The following TBL1X variants were observed in gnomAD, a reference collection of about 807,000 sequenced individuals.
TBL1X encodes the protein F-box-like/WD repeat-containing protein TBL1X.
In TBL1X, 10 loss-of-function variants were observed where a neutral mutation model predicts 50.7. The observed-to-expected ratio is 0.20, with a 90% confidence interval of 0.12 to 0.33. The LOEUF (loss-of-function observed/expected upper bound fraction) is 0.33, where lower values mean the gene tolerates loss of function less well. Ranked by LOEUF, TBL1X falls within the 10% of genes least tolerant of loss-of-function variation. The pLI, the probability that TBL1X is intolerant of heterozygous loss-of-function variation, is 1.00. For synonymous variants in TBL1X, 190 were observed against 214.7 expected, an observed-to-expected ratio of 0.88 and a Z score of 1.01; for missense variants, 340 against 504.4, an observed-to-expected ratio of 0.67 and a Z score of 3.12.
intron 2 of TBL1X, among the ~76,000 whole-genome samples, chrX:9,635,645 A>G (rs1200477844): frequency 8.9e-6 from 1 of 111,739 alleles, no homozygotes; most frequent in Non-Finnish European, 1.9e-5. Flanking sequence ...TGGCTCTTCC[A>G]TGGGCAGGCT....
chrX:9,493,865 C>T (rs930073789), intron 1 of TBL1X, among the ~76,000 whole-genome samples: 2 of 111,573 alleles, frequency 1.8e-5, no homozygotes, highest in Non-Finnish European at 3.8e-5. Context: ...TGGAAAGAAC[C>T]CTCTCGTGGG....
chrX:9,470,182 A>G (rs1421356095), intron 1 of TBL1X, among the ~76,000 whole-genome samples: 3 of 112,636 alleles, frequency 2.7e-5, no homozygotes, highest in Admixed American at 9.4e-5. Context: ...TGCAGTGTAT[A>G]ATCACATCAT....
intron 2 of TBL1X, among the ~76,000 whole-genome samples, chrX:9,581,637 C>G (rs956035657): frequency 1.8e-5 from 2 of 112,153 alleles, no homozygotes; most frequent in African/African-American, 6.5e-5. Context: ...AGTGATGGCT[C>G]ACAAATGCCA....
intron 13 of TBL1X, among the ~76,000 whole-genome samples, chrX:9,708,379 A>T (rs967170719): frequency 8.9e-6 from 1 of 112,265 alleles, no homozygotes; most frequent in African/African-American, 3.2e-5. Flanking sequence ...GCCACTCAGC[A>T]TTTGCCTCTC....
At chrX:9,684,962 G>C (rs766635367) in intron 6 of TBL1X, among the ~76,000 whole-genome samples, 29 of 112,812 alleles carry the variant, frequency 2.6e-4, no homozygotes, top group African/African-American at 9.3e-4. Context: ...ATCACCAGAG[G>C]CTGCGTCAGG....
At position 9,640,271 on chromosome X, in the gene TBL1X, A is replaced by T. The variant is rs1440791899; in HGVS notation, c.-130-2A>T. 8.9e-6 allele frequency: 1 copy of T among 112,278 alleles called. No individual in the cohort carries two copies. The highest frequency in any genetic ancestry group is 1.9e-5 in the Non-Finnish European group (1 of 53,218). The allele number at this position is 112,278 out of a possible 1,213,427, so 9.3% of individuals were successfully genotyped here. A position where few individuals can be genotyped will look rare whatever the true frequency, so the allele number is the denominator to read the frequency against. On this transcript the variant is annotated splice_acceptor_variant, in intron 2 of 17. Transcript: ENST00000645353. LOFTEE classifies it low-confidence loss of function (5UTR_SPLICE). ...GTTTCAAACCTTTCCCTTTCTCCCTAGGCTGGTCCCTGCAGACGGCTTCCC... is the reference window on the plus strand; with the variant it reads ...GTTTCAAACCTTTCCCTTTCTCCCTTGGCTGGTCCCTGCAGACGGCTTCCC...
intron 2 of TBL1X, among the ~76,000 whole-genome samples, chrX:9,568,998 G>A (rs2082368348): frequency 9.1e-6 from 1 of 109,755 alleles, no homozygotes; most frequent in African/African-American, 3.3e-5. Context: ...GGTGTGCTGT[G>A]TGTGTGTCTG....
chrX:9,570,976 C>G (rs937132543), intron 2 of TBL1X, among the ~76,000 whole-genome samples: 1 of 111,966 alleles, frequency 8.9e-6, no homozygotes, highest in African/African-American at 3.2e-5. Flanking sequence ...CGCGCCCGGC[C>G]CAAAGTGACT....
rs1404375455 is a variant in TBL1X, at chrX:9,709,232, T to C, written c.1237-16T>C. The C allele has an allele frequency of 2.5e-6, 3 of 1,208,473 alleles. No individual in the cohort carries two copies. The highest frequency in any genetic ancestry group is 4.3e-5 in the Admixed American group (2 of 45,993). Reference sequence around the variant, plus strand: ...AGGCCCTGATGTCTTTTTCACACTCTTCTGCTCTCTTTCAGAACGAGGTCA... The same window carrying C: ...AGGCCCTGATGTCTTTTTCACACTCCTCTGCTCTCTTTCAGAACGAGGTCA... On this transcript the variant is annotated splice_polypyrimidine_tract_variant and intron_variant, in intron 13 of 17. Transcript: ENST00000645353.
chrX:9,480,251 G>A (rs1236692527), intron 1 of TBL1X, among the ~76,000 whole-genome samples: 1 of 112,220 alleles, frequency 8.9e-6, no homozygotes, highest in African/African-American at 3.2e-5. Flanking sequence ...ACTGCACCTG[G>A]CGGGAAAGTA....
intron 1 of TBL1X, among the ~76,000 whole-genome samples, chrX:9,472,912 C>CA (rs1187116690): frequency 0.013 from 1,229 of 92,592 alleles, 20 homozygotes; most frequent in African/African-American, 0.038. Flanking sequence ...GACTCCGTCT[C>CA]AAAAAAAAAA....
intron 3 of TBL1X, among the ~76,000 whole-genome samples, chrX:9,643,917 T>C (rs758424896): frequency 8.1e-5 from 9 of 111,442 alleles, no homozygotes; most frequent in Admixed American, 3.8e-4. Context: ...CCAGGCCACA[T>C]TGGGGGATGG....
intron 2 of TBL1X, among the ~76,000 whole-genome samples, chrX:9,555,120 G>C (rs767120413): frequency 1.8e-5 from 2 of 111,166 alleles, no homozygotes; most frequent in African/African-American, 3.3e-5. Context: ...CTGTTGCCCG[G>C]GCTGGAATGT....
chrX:9,612,394 G>GA (rs1448002050), intron 2 of TBL1X, among the ~76,000 whole-genome samples: 1 of 111,398 alleles, frequency 9.0e-6, no homozygotes. Flanking sequence ...AGCAGATTGA[G>GA]AGCCATACAT....
chrX:9,577,010 C>CAA (rs749359877), intron 2 of TBL1X, among the ~76,000 whole-genome samples: 3 of 111,176 alleles, frequency 2.7e-5, no homozygotes, highest in Non-Finnish European at 5.7e-5. Context: ...AAAAAACAAA[C>CAA]AAACAAAAAC....
At chrX:9,478,034 G>A (rs929001481) in intron 1 of TBL1X, among the ~76,000 whole-genome samples, 4 of 111,924 alleles carry the variant, frequency 3.6e-5, no homozygotes, top group African/African-American at 6.5e-5. Flanking sequence ...GGGAAAGACG[G>A]CAAGTATAGT....
At chrX:9,565,320 A>C (rs1456971373) in intron 2 of TBL1X, among the ~76,000 whole-genome samples, 2 of 106,017 alleles carry the variant, frequency 1.9e-5, no homozygotes, top group Non-Finnish European at 3.9e-5. Context: ...TTGCCCACTC[A>C]GCAGTGCCCA....
At chrX:9,556,784 T>C (rs2082302783) in intron 2 of TBL1X, among the ~76,000 whole-genome samples, 1 of 103,381 alleles carries the variant, frequency 9.7e-6, no homozygotes, top group African/African-American at 4.1e-5. Context: ...TGGTTTTTTG[T>C]TTTGTTTTGT....
intron 2 of TBL1X, among the ~76,000 whole-genome samples, chrX:9,542,757 T>C (rs1255383991): frequency 8.9e-6 from 1 of 112,071 alleles, no homozygotes; most frequent in Non-Finnish European, 1.9e-5. Context: ...TGCACCAGAC[T>C]GTATTCTCCA....
Sources: gnomAD v4.1 joint callset for allele counts (sites outside exome capture counted in the v4.1 genomes callset) on GRCh38, gnomAD v4.1.1 for gene constraint, MANE v1.5 for transcripts, NCBI Gene and HGNC (gene_info 2026-07-23, HGNC 2026-07-21) for gene names.